Variants in JPH3 observed in about 807,000 individuals in gnomAD.
JPH3 encodes the protein junctophilin 3.
A neutral mutation model predicts 59.6 loss-of-function variants in JPH3; 11 were observed. That is an observed-to-expected ratio of 0.18 (90% CI 0.12 to 0.31). JPH3 has a LOEUF of 0.31. Among genes scored for constraint, JPH3 ranks in the 10% least tolerant of loss-of-function variants. The probability of loss-of-function intolerance (pLI) is 1.00; values close to 1 mark genes in which losing one functional copy is unlikely to be tolerated. For synonymous variants in JPH3, 673 were observed against 483.6 expected (o/e 1.39, Z -5.14); for missense variants, 1,202 against 1,105.7 (o/e 1.09, Z -1.24).
chr16:87,662,813 T>C (rs945531349), intron 2 of JPH3, among the ~76,000 whole-genome samples: 2 of 152,182 alleles, frequency 1.3e-5, no homozygotes, highest in African/African-American at 2.4e-5. Context: ...CCCTGTGAAA[T>C]CCACCTTCCA....
At chr16:87,637,226 T>C (rs56913262) in intron 1 of JPH3, among the ~76,000 whole-genome samples, 4,191 of 152,322 alleles carry the variant, frequency 0.028, 169 homozygotes, top group African/African-American at 0.091. Flanking sequence ...CATTTTACAA[T>C]ATGCAATTCA....
chr16:87,650,768 G>C (rs1490846110), intron 2 of JPH3, among the ~76,000 whole-genome samples: 1 of 152,228 alleles, frequency 6.6e-6, no homozygotes, highest in Non-Finnish European at 1.5e-5. Flanking sequence ...GGCTGAGAGA[G>C]GTGAGGAAGC....
intron 1 of JPH3, among the ~76,000 whole-genome samples, chr16:87,635,447 C>G (rs376464107): frequency 5.3e-5 from 8 of 152,342 alleles, no homozygotes; most frequent in African/African-American, 1.9e-4. Context: ...GCCAGCCATA[C>G]TTACCCACAA....
chr16:87,624,541 GA>G (rs2031301120), intron 1 of JPH3, among the ~76,000 whole-genome samples: 1 of 152,240 alleles, frequency 6.6e-6, no homozygotes, highest in African/African-American at 2.4e-5. Flanking sequence ...CGTTTTGTGT[GA>G]ATCTGCCACC....
At chr16:87,614,930 CGCGCGTCCCCTCCCGGG>C (rs1300307750) in intron 1 of JPH3, among the ~76,000 whole-genome samples, 2 of 58,910 alleles carry the variant, frequency 3.4e-5, no homozygotes, top group African/African-American at 1.6e-4. Flanking sequence ...CACGAGGAGC[CGCGCGTCCCCTCCCGGG>C]ATAAACGCTG....
At chr16:87,667,925 T>G (rs2032914267) in intron 2 of JPH3, among the ~76,000 whole-genome samples, 1 of 152,206 alleles carries the variant, frequency 6.6e-6, no homozygotes, top group Admixed American at 6.5e-5. Flanking sequence ...CTGTGGCGCG[T>G]GCACAGGCCC....
rs568806951 is a variant in JPH3, at chr16:87,663,575, C to T, written c.1160+18540C>T. 6.6e-5 allele frequency among the ~76,000 whole-genome samples: 10 copies of T among 152,336 alleles called. No individual in the cohort carries two copies. In the South Asian group the frequency reaches 2.1e-3, roughly 32 times the overall value. On this transcript the variant is annotated intron_variant, in intron 2 of 4. Coordinates refer to ENST00000284262, the MANE Select transcript of JPH3 (RefSeq NM_020655.4). ...ACCCACCAGAAGCACTGGGTGAACA[C>T]AGCCACTGCCCCCAGCTGGCCTGAT...
intron 2 of JPH3, among the ~76,000 whole-genome samples, chr16:87,664,194 G>C (rs1166987079): frequency 6.6e-6 from 1 of 152,134 alleles, no homozygotes. Flanking sequence ...AGCTGGGCGT[G>C]GTGGAAGGCG....
chr16:87,670,051 C>T (rs2032974522), intron 2 of JPH3, among the ~76,000 whole-genome samples: 1 of 152,168 alleles, frequency 6.6e-6, no homozygotes. Context: ...GGTAGGGACA[C>T]AGGCGTGGGG....
intron 3 of JPH3, among the ~76,000 whole-genome samples, chr16:87,684,856 G>A (rs2033378753): frequency 6.6e-6 from 1 of 151,390 alleles, no homozygotes; most frequent in African/African-American, 2.4e-5. Flanking sequence ...ATACGGCCCA[G>A]TGACAGTGGC....
chr16:87,671,618 G>A (rs541783411), intron 2 of JPH3, among the ~76,000 whole-genome samples: 1 of 64,802 alleles, frequency 1.5e-5, no homozygotes, highest in African/African-American at 5.3e-5. Flanking sequence ...TCAGTTCTGC[G>A]CCTGAGCTCC....
At chr16:87,608,566 G>C (rs2030614352) in intron 1 of JPH3, among the ~76,000 whole-genome samples, 1 of 152,128 alleles carries the variant, frequency 6.6e-6, no homozygotes, top group African/African-American at 2.4e-5. Flanking sequence ...GAGAGGAGAG[G>C]AGGAGAGAAG....
rs114759980 is a variant in JPH3, at chr16:87,645,135, C to G, written c.1160+100C>G. ...CTGTCGCTCAAGGCCTTGGGCTAGG[C>G]CCAGTTTGAGGCCTACACTGGTGTT... On this transcript the variant is annotated intron_variant, in intron 2 of 4. Transcript: ENST00000284262. The G allele has an allele frequency of 8.4e-4, 1,079 of 1,288,128 alleles. 9 individuals are homozygous for G. In the African/African-American group the frequency reaches 0.014, roughly 17 times the overall value. The allele number at this position is 1,288,128 out of a possible 1,614,324, so 79.8% of individuals were successfully genotyped here.
chr16:87,641,939 G>A (rs2031967831), intron 1 of JPH3, among the ~76,000 whole-genome samples: 1 of 152,236 alleles, frequency 6.6e-6, no homozygotes, highest in Admixed American at 6.5e-5. Context: ...GCCGGGCATG[G>A]GGGCTCTGGG....
At chr16:87,628,525 AGT>A (rs2031458602) in intron 1 of JPH3, among the ~76,000 whole-genome samples, 1 of 152,060 alleles carries the variant, frequency 6.6e-6, no homozygotes, top group Non-Finnish European at 1.5e-5. Context: ...ATTCCTACAG[AGT>A]GTGGGTTTTG....
At chr16:87,681,187 A>T (rs900886964) in intron 2 of JPH3, among the ~76,000 whole-genome samples, 27 of 142,202 alleles carry the variant, frequency 1.9e-4, no homozygotes, top group Admixed American at 1.1e-3. Context: ...CAGTTCCGGG[A>T]GGTCAGGTGC....
At chr16:87,661,668 C>T (rs985227682) in intron 2 of JPH3, among the ~76,000 whole-genome samples, 6 of 152,218 alleles carry the variant, frequency 3.9e-5, no homozygotes, top group African/African-American at 7.2e-5. Context: ...CGAAGAGTCA[C>T]GGGACAGCCC....
At chr16:87,654,345 A>G (rs956105589) in intron 2 of JPH3, 17 of 151,902 alleles carry the variant, frequency 1.1e-4, no homozygotes, top group African/African-American at 4.1e-4. Flanking sequence ...CATTTATCTG[A>G]TAGTAGAGTT....
At chr16:87,695,426 G>C (rs766385434) in intron 4 of JPH3, 1 of 456,120 alleles carries the variant, frequency 2.2e-6, no homozygotes. Flanking sequence ...CACAGCAGCA[G>C]GATGTCTGCG....
Sources: allele counts gnomAD v4.1 joint callset (sites outside exome capture counted in the v4.1 genomes callset), GRCh38; gene constraint gnomAD v4.1.1; transcripts MANE v1.5; gene names NCBI Gene and HGNC (gene_info 2026-07-23, HGNC 2026-07-21).